The following COL19A1 variants were observed in gnomAD, a reference collection of about 807,000 sequenced individuals.
The protein encoded by COL19A1 is collagen alpha-1(XIX) chain.
A neutral mutation model predicts 190.2 loss-of-function variants in COL19A1; 159 were observed. That is an observed-to-expected ratio of 0.84 (90% confidence interval 0.73 to 0.95). The LOEUF (loss-of-function observed/expected upper bound fraction) is 0.95, where lower values mean the gene tolerates loss of function less well. Among genes scored for constraint, COL19A1 ranks in the 40% least tolerant of loss-of-function variants. The pLI is 0.00. For synonymous variants in COL19A1, 509 were observed against 458.9 expected, an observed-to-expected ratio of 1.11 and a Z score of -1.39; for missense variants, 1,418 against 1,431.9, an observed-to-expected ratio of 0.99 and a Z score of 0.16.
intron 5 of COL19A1, among the ~76,000 whole-genome samples, 169 bp downstream of exon 5, chr6:69,928,201 T>C (rs1772521003): frequency 1.3e-5 from 2 of 151,960 alleles, no homozygotes; most frequent in South Asian, 4.1e-4. Context: ...AGGATGGCCT[T>C]GCTGAGATCC....
At position 69,973,310 on chromosome 6, in the gene COL19A1, C is replaced by T. The variant is rs78184256; in HGVS notation, c.1026+10440C>T. Among the ~76,000 whole-genome samples the T allele has an allele frequency of 5.5e-3, 834 of 152,270 alleles. 19 individuals carry two copies. In the East Asian group the frequency reaches 0.069, roughly 13 times the overall value. On this transcript the variant is annotated intron_variant, in intron 11 of 50. Coordinates refer to ENST00000620364, the MANE Select transcript of COL19A1 (RefSeq NM_001858.6). Reference sequence around the variant, plus strand: ...CTGCCTGTGCCATAGACTCCACTTCCTCTGCTCTCTGCTGGGCTCCTTGTC... The same window carrying T: ...CTGCCTGTGCCATAGACTCCACTTCTTCTGCTCTCTGCTGGGCTCCTTGTC...
chr6:70,155,453 T>C (rs956366726), intron 31 of COL19A1, among the ~76,000 whole-genome samples: 1 of 152,132 alleles, frequency 6.6e-6, no homozygotes, highest in Admixed American at 6.6e-5. Context: ...GTTATGTTTA[T>C]CTTATGAGCT....
At chr6:70,083,305 C>CA (rs2150166571) in intron 15 of COL19A1, among the ~76,000 whole-genome samples, 2 of 152,222 alleles carry the variant, frequency 1.3e-5, no homozygotes, top group Admixed American at 1.3e-4. Flanking sequence ...GCCTTATACA[C>CA]ACTTTAAATA....
chr6:69,999,591 T>C (rs1777124090), intron 11 of COL19A1, among the ~76,000 whole-genome samples: 1 of 152,106 alleles, frequency 6.6e-6, no homozygotes, highest in Non-Finnish European at 1.5e-5. Flanking sequence ...GGTGTCATTA[T>C]AACAGACAAT....
intron 28 of COL19A1, 35 bp from the exon 29 acceptor site, chr6:70,149,816 C>T (rs759921760): frequency 1.9e-6 from 3 of 1,613,592 alleles, no homozygotes; most frequent in South Asian, 1.1e-5. Context: ...AGACCATCCT[C>T]ATAAGTAACT....
At chr6:70,006,667 T>A (rs1777645002) in intron 11 of COL19A1, among the ~76,000 whole-genome samples, 1 of 152,190 alleles carries the variant, frequency 6.6e-6, no homozygotes, top group African/African-American at 2.4e-5. Flanking sequence ...TATATTTGCG[T>A]TTGTATAGTC....
intron 15 of COL19A1, among the ~76,000 whole-genome samples, chr6:70,090,167 A>T (rs1353670481): frequency 3.5e-5 from 5 of 142,238 alleles, no homozygotes; most frequent in African/African-American, 7.4e-5. Flanking sequence ...ACAGAGCAAG[A>T]CTCTTATCTC....
chr6:70,176,401 A>G (rs758712781), intron 41 of COL19A1, 119 bp from the exon 42 acceptor site: 1 of 965,820 alleles, frequency 1.0e-6, no homozygotes, highest in Non-Finnish European at 1.5e-6. Context: ...TAATATCAAT[A>G]ACACTTATCA....
At position 69,976,960 on chromosome 6, in the gene COL19A1, G is replaced by A. The variant is rs571730213; in HGVS notation, c.1026+14090G>A. ...CTTACTAGAAGACCCATCTGAAGCCGCCAGACAAAGGATTAGAGGCTGATG... is the reference window on the plus strand; with the variant it reads ...CTTACTAGAAGACCCATCTGAAGCCACCAGACAAAGGATTAGAGGCTGATG... On this transcript the variant is annotated intron_variant, in intron 11 of 50. Transcript: ENST00000620364. 5.3e-5 allele frequency among the ~76,000 whole-genome samples: 8 copies of A among 152,106 alleles called. No individual in the cohort carries two copies. The East Asian group carries it at 5.8e-4, about 11-fold the overall frequency.
At chr6:70,158,116 C>T (rs967976135) in intron 34 of COL19A1, among the ~76,000 whole-genome samples, 3 of 152,070 alleles carry the variant, frequency 2.0e-5, no homozygotes, top group African/African-American at 7.2e-5. Flanking sequence ...TGTTTCTTCA[C>T]ACTACGTGAA....
At chr6:69,950,812 A>G (rs1046858940) in intron 9 of COL19A1, among the ~76,000 whole-genome samples, 3 of 151,770 alleles carry the variant, frequency 2.0e-5, no homozygotes, top group African/African-American at 7.3e-5. Context: ...CCCAAATATA[A>G]CACTCAAATC....
At chr6:69,958,654 T>C (rs1774580631) in intron 9 of COL19A1, among the ~76,000 whole-genome samples, 1 of 152,222 alleles carries the variant, frequency 6.6e-6, no homozygotes, top group Non-Finnish European at 1.5e-5. Flanking sequence ...TAGTATATAC[T>C]GTGATGATAG....
chr6:70,168,863 C>T (rs1035388089), intron 40 of COL19A1, among the ~76,000 whole-genome samples, 182 bp downstream of exon 40: 2 of 152,104 alleles, frequency 1.3e-5, no homozygotes, highest in Non-Finnish European at 2.9e-5. Context: ...TGCATTAGTC[C>T]TGATGTTGTC....
At chr6:69,932,724 A>G in intron 6 of COL19A1, 59 bp from the exon 7 acceptor site, 1 of 937,862 alleles carries the variant, frequency 1.1e-6, no homozygotes, top group South Asian at 1.5e-5. Context: ...GTAGTTCTTA[A>G]CTGCCTGAAT....
intron 4 of COL19A1, among the ~76,000 whole-genome samples, chr6:69,922,149 A>G (rs188494797): frequency 1.3e-5 from 2 of 152,040 alleles, no homozygotes; most frequent in East Asian, 3.9e-4. Flanking sequence ...TTTTTTTAAT[A>G]TTTTATTTTT....
intron 31 of COL19A1, 122 bp downstream of exon 31, chr6:70,151,560 G>A: frequency 2.4e-6 from 2 of 843,310 alleles, no homozygotes; most frequent in South Asian, 3.0e-5. Flanking sequence ...TAAATGGCAG[G>A]ACATCTTTAA....
At chr6:69,961,097 T>C (rs1582533278) in intron 10 of COL19A1, among the ~76,000 whole-genome samples, 1 of 152,292 alleles carries the variant, frequency 6.6e-6, no homozygotes, top group African/African-American at 2.4e-5. Flanking sequence ...GAGAGCATTA[T>C]TGATGTAATA....
At chr6:70,026,406 C>T (rs1778733693) in intron 12 of COL19A1, among the ~76,000 whole-genome samples, 2 of 152,160 alleles carry the variant, frequency 1.3e-5, no homozygotes, top group African/African-American at 4.8e-5. Flanking sequence ...TGAAAGAGTC[C>T]TTCACATGCC....
intron 37 of COL19A1, 22 bp downstream of exon 37, chr6:70,166,007 A>C: frequency 4.3e-6 from 7 of 1,610,426 alleles, no homozygotes; most frequent in Non-Finnish European, 5.9e-6. Flanking sequence ...TAGGCTTAAA[A>C]TTTAAAATTC....
Sources: allele counts gnomAD v4.1 joint callset (sites outside exome capture counted in the v4.1 genomes callset), GRCh38; gene constraint gnomAD v4.1.1; transcripts MANE v1.5; gene names NCBI Gene and HGNC (gene_info 2026-07-23, HGNC 2026-07-21).